NTM: variants seen among roughly 807,000 people sequenced by gnomAD.
NTM encodes IgLON family member 2.
A neutral mutation model predicts 42.1 loss-of-function variants in NTM; 13 were observed. The ratio of observed to expected loss-of-function variants is 0.31; its 90% CI spans 0.20 to 0.49. NTM has a LOEUF of 0.49. Among genes scored for constraint, NTM ranks in the 20% least tolerant of loss-of-function variants. The probability of loss-of-function intolerance (pLI) is 0.99; values close to 1 mark genes in which losing one functional copy is unlikely to be tolerated. For synonymous variants in NTM, 187 were observed against 179.2 expected, an observed-to-expected ratio of 1.04 and a Z score of -0.35; for missense variants, 373 against 452.8, an observed-to-expected ratio of 0.82 and a Z score of 1.60.
At chr11:132,019,904 C>T (rs2074062525) in intron 2 of NTM, among the ~76,000 whole-genome samples, 1 of 151,102 alleles carries the variant, frequency 6.6e-6, no homozygotes, top group African/African-American at 2.4e-5. Flanking sequence ...AGGGATCTTG[C>T]CTGACGCTGA....
intron 1 of NTM, among the ~76,000 whole-genome samples, chr11:131,685,247 G>A (rs60628716): frequency 0.012 from 1,868 of 150,264 alleles, 52 homozygotes; most frequent in African/African-American, 0.045. Context: ...ACCCCAGTCA[G>A]TCCTTCCTGA....
rs112532482 is a variant in NTM at position 132,331,394 on chromosome 11, T to C, written c.967+1209T>C. Among the ~76,000 whole-genome samples, 747 of 152,298 alleles carry C rather than the reference T, an allele frequency of 4.9e-3. 13 individuals carry two copies. Among genetic ancestry groups the C allele is most frequent in the African/African-American group, 0.017 (716 of 41,548 alleles). On this transcript the variant is annotated intron_variant, in intron 8 of 8. Transcript: ENST00000683400. Reference sequence around the variant, plus strand: ...CCACAGGAATTCTCAGTAAGTTGTATTGGATATAGTTAGAAAAGGGGAGGA... The same window carrying C: ...CCACAGGAATTCTCAGTAAGTTGTACTGGATATAGTTAGAAAAGGGGAGGA...
chr11:131,771,947 T>A (rs1281783601), intron 1 of NTM, among the ~76,000 whole-genome samples: 2 of 152,234 alleles, frequency 1.3e-5, no homozygotes, highest in Non-Finnish European at 2.9e-5. Context: ...TTTTTTCCCC[T>A]TCCTTTTTCT....
intron 1 of NTM, among the ~76,000 whole-genome samples, chr11:131,504,243 C>T (rs1390131930): frequency 6.6e-6 from 1 of 152,222 alleles, no homozygotes; most frequent in African/African-American, 2.4e-5. Context: ...TGAATTCAGC[C>T]TGTTTGGGTT....
At chr11:131,495,900 A>G (rs1192991968) in intron 1 of NTM, among the ~76,000 whole-genome samples, 1 of 152,166 alleles carries the variant, frequency 6.6e-6, no homozygotes, top group Non-Finnish European at 1.5e-5. Flanking sequence ...AGCAAAAGAG[A>G]CTGCTGGAGG....
At chr11:132,287,324 A>C (rs1044001425) in intron 4 of NTM, among the ~76,000 whole-genome samples, 1 of 152,188 alleles carries the variant, frequency 6.6e-6, no homozygotes, top group East Asian at 1.9e-4. Context: ...TATGTATAGA[A>C]TGAATAATGG....
At chr11:131,649,674 G>A (rs1432007999) in intron 1 of NTM, among the ~76,000 whole-genome samples, 1 of 152,164 alleles carries the variant, frequency 6.6e-6, no homozygotes, top group African/African-American at 2.4e-5. Context: ...TTGGGTGGGG[G>A]GAGGCGGTGC....
At chr11:132,304,714 G>T (rs940905303) in intron 4 of NTM, among the ~76,000 whole-genome samples, 1 of 152,164 alleles carries the variant, frequency 6.6e-6, no homozygotes, top group Non-Finnish European at 1.5e-5. Context: ...TGAGCATAAT[G>T]ACAATGAAAG....
At chr11:131,541,055 G>A (rs932577680) in intron 1 of NTM, among the ~76,000 whole-genome samples, 3 of 152,160 alleles carry the variant, frequency 2.0e-5, no homozygotes, top group Non-Finnish European at 4.4e-5. Context: ...ATTGATGGCA[G>A]CTGATTATTC....
intron 2 of NTM, among the ~76,000 whole-genome samples, chr11:131,978,717 G>A (rs966751271): frequency 2.6e-5 from 4 of 152,074 alleles, no homozygotes; most frequent in African/African-American, 4.8e-5. Flanking sequence ...ACCAAAATAC[G>A]TTTCCTTAGT....
At chr11:132,334,925 G>A (rs1592110891) in intron 8 of NTM, 121 bp from the exon 9 acceptor site, 2 of 1,481,218 alleles carry the variant, frequency 1.4e-6, no homozygotes, top group South Asian at 1.3e-5. Context: ...GGAACACCAT[G>A]TGTTTCACTT....
chr11:131,629,554 T>C (rs1440181807), intron 1 of NTM, among the ~76,000 whole-genome samples: 1 of 152,218 alleles, frequency 6.6e-6, no homozygotes, highest in Non-Finnish European at 1.5e-5. Context: ...GAACACTCTG[T>C]TGCCTCTTAC....
intron 1 of NTM, among the ~76,000 whole-genome samples, chr11:131,853,593 A>G (rs998187214): frequency 1.6e-4 from 25 of 152,212 alleles, no homozygotes; most frequent in African/African-American, 5.5e-4. Context: ...TTGTGATTGC[A>G]TAGTATTCCA....
chr11:131,742,406 T>C (rs926153684), intron 1 of NTM, among the ~76,000 whole-genome samples: 18 of 152,222 alleles, frequency 1.2e-4, no homozygotes, highest in African/African-American at 4.1e-4. Context: ...GTTCTATTTA[T>C]ATTGTGATAA....
chr11:132,093,669 C>T (rs974393833), intron 2 of NTM, among the ~76,000 whole-genome samples: 2 of 152,148 alleles, frequency 1.3e-5, no homozygotes, highest in Non-Finnish European at 1.5e-5. Flanking sequence ...GTGTTGGATG[C>T]CTTTCTTTGT....
chr11:131,499,492 A>T (rs1720835247), intron 1 of NTM, among the ~76,000 whole-genome samples: 1 of 152,104 alleles, frequency 6.6e-6, no homozygotes, highest in African/African-American at 2.4e-5. Flanking sequence ...GTCTCCCCAC[A>T]CTTCACTTTT....
chr11:132,259,637 G>A (rs546020054), intron 4 of NTM, among the ~76,000 whole-genome samples: 8 of 152,118 alleles, frequency 5.3e-5, no homozygotes, highest in South Asian at 2.1e-4. Flanking sequence ...CTGAGATTGC[G>A]CCACTGCACT....
intron 3 of NTM, among the ~76,000 whole-genome samples, chr11:132,171,969 A>T (rs1196427498): frequency 3.3e-5 from 5 of 152,188 alleles, no homozygotes; most frequent in Non-Finnish European, 7.3e-5. Context: ...AATCCCCACT[A>T]ACTTCATTTC....
Position 132,212,058 on chromosome 11 carries a change from C to G in NTM, c.437C>G (p.Ser146Cys). Residue 146 changes from serine to cysteine, a missense_variant, in exon 4 of 9, where the codon TCC (serine) becomes TGC (cysteine). Ser to Cys is a moderately radical substitution (Grantham distance 112). Coordinates refer to ENST00000683400, the MANE Select transcript of NTM (RefSeq NM_001352005.2). ...PKIVEISSDI[S>C]INEGNNISLT... The stretch of plus-strand genomic sequence containing the variant: ...ATTGTAGAGATTTCTTCAGATATCT[C>G]CATTAATGAAGGGAACAATATTAGC... 1 of 1,612,530 alleles carries G rather than the reference C, an allele frequency of 6.2e-7. No homozygotes were observed. The highest frequency in any genetic ancestry group is 8.5e-7 in the Non-Finnish European group (1 of 1,178,904).
Sources: allele counts gnomAD v4.1 joint callset (sites outside exome capture counted in the v4.1 genomes callset), GRCh38; gene constraint gnomAD v4.1.1; transcripts MANE v1.5; gene names NCBI Gene and HGNC (gene_info 2026-07-23, HGNC 2026-07-21).